PTPN14: variants seen among roughly 807,000 people sequenced by gnomAD.
The protein encoded by PTPN14 is protein tyrosine phosphatase non-receptor type 14, also known as tyrosine-protein phosphatase non-receptor type 14.
PTPN14 carries 53 observed loss-of-function variants against 126.8 expected under a neutral mutation model. The observed-to-expected ratio is 0.42, with a 90% CI of 0.34 to 0.53. PTPN14 has a LOEUF of 0.53. Among genes scored for constraint, PTPN14 ranks in the 20% least tolerant of loss-of-function variants. PTPN14 has a pLI of 0.08. For missense variants in PTPN14, 1,257 were observed against 1,552.9 expected, an observed-to-expected ratio of 0.81 and a Z score of 3.20; for synonymous variants, 630 against 599.3, an observed-to-expected ratio of 1.05 and a Z score of -0.75.
chr1:214,368,069 A>G (rs942112969), intron 17 of PTPN14, among the ~76,000 whole-genome samples: 4 of 152,218 alleles, frequency 2.6e-5, no homozygotes, highest in African/African-American at 9.6e-5. Flanking sequence ...GAGGGTTTCA[A>G]TACTTCTTAG....
intron 1 of PTPN14, among the ~76,000 whole-genome samples, chr1:214,549,257 G>T (rs1340973190): frequency 6.6e-6 from 1 of 152,122 alleles, no homozygotes; most frequent in South Asian, 2.1e-4. Flanking sequence ...GGCAAACCAC[G>T]TACAGAATGC....
At chr1:214,524,665 G>A (rs940243515) in intron 1 of PTPN14, among the ~76,000 whole-genome samples, 14 of 152,128 alleles carry the variant, frequency 9.2e-5, no homozygotes, top group Admixed American at 3.3e-4. Flanking sequence ...AAAAAAAGGC[G>A]GGAGGGGGCG....
At chr1:214,441,045 C>T (rs1660027136) in intron 3 of PTPN14, among the ~76,000 whole-genome samples, 1 of 152,072 alleles carries the variant, frequency 6.6e-6, no homozygotes, top group Non-Finnish European at 1.5e-5. Flanking sequence ...TCTGATAAAG[C>T]CAGTGAAGAA....
intron 15 of PTPN14, among the ~76,000 whole-genome samples, chr1:214,373,100 G>C (rs1469519293): frequency 6.6e-6 from 1 of 152,124 alleles, no homozygotes; most frequent in Non-Finnish European, 1.5e-5. Flanking sequence ...TGCTGCTTAG[G>C]CGGGAGTACA....
At chr1:214,533,754 G>A (rs1190698177) in intron 1 of PTPN14, among the ~76,000 whole-genome samples, 2 of 151,212 alleles carry the variant, frequency 1.3e-5, no homozygotes, top group Non-Finnish European at 2.9e-5. Flanking sequence ...GGAGAATGGC[G>A]TGAACCCGGG....
chr1:214,391,913 C>A (rs1658762042), intron 10 of PTPN14, among the ~76,000 whole-genome samples: 1 of 152,056 alleles, frequency 6.6e-6, no homozygotes, highest in Non-Finnish European at 1.5e-5. Context: ...GTTATATATA[C>A]CGCCGCCTAA....
chr1:214,534,816 G>C lies in PTPN14; in HGVS notation c.-155+16367C>G, dbSNP rs190765067. ...CCATCCAGTTCCCTGTGACTTGCCT[G>C]GGAATCATGTGGGATGAGTGGAAGT... On this transcript the variant is annotated intron_variant, in intron 1 of 18. Coordinates refer to ENST00000366956, the MANE Select transcript of PTPN14 (RefSeq NM_005401.5). Among the ~76,000 whole-genome samples the C allele has an allele frequency of 2.6e-3, 398 of 152,226 alleles. 2 individuals carry two copies. Among genetic ancestry groups the C allele is most frequent in the African/African-American group, 9.0e-3 (373 of 41,546 alleles).
chr1:214,471,729 A>G (rs1660763394), intron 1 of PTPN14, among the ~76,000 whole-genome samples: 1 of 152,226 alleles, frequency 6.6e-6, no homozygotes. Context: ...GCATTCTCTT[A>G]GTCCAACCAC....
rs1221675747 is a variant in PTPN14, at chr1:214,451,918, C to T, written c.231G>A (p.Glu77=). 1.2e-6 allele frequency: 2 copies of T among 1,614,232 alleles called. No homozygotes were observed. The highest frequency in any genetic ancestry group is 1.7e-6 in the Non-Finnish European group (2 of 1,180,042). ...LSKSQQARWV[E]LEKPLKKHLD... is the part of the protein sequence containing the mutation. Reference sequence around the variant, plus strand: ...GATGTTTCTTCAGAGGTTTCTCCAGCTCCACCCATCGTGCTTGCTGGCTCT... The same window carrying T: ...GATGTTTCTTCAGAGGTTTCTCCAGTTCCACCCATCGTGCTTGCTGGCTCT... The change falls in exon 3 of 19, where the codon GAG becomes GAA. Residue 77 remains glutamate, a synonymous_variant. Transcript: ENST00000366956.
intron 1 of PTPN14, among the ~76,000 whole-genome samples, chr1:214,546,427 T>C (rs1283003606): frequency 6.6e-6 from 1 of 152,196 alleles, no homozygotes; most frequent in Non-Finnish European, 1.5e-5. Flanking sequence ...AGTACACATT[T>C]CATACGAAAA....
chr1:214,358,323 G>C (rs1657875183), intron 18 of PTPN14, among the ~76,000 whole-genome samples: 1 of 152,198 alleles, frequency 6.6e-6, no homozygotes, highest in South Asian at 2.1e-4. Flanking sequence ...CTGGAGTACA[G>C]TGGCACAGTC....
Position 214,451,909 on chromosome 1 carries a change from T to A in PTPN14, c.240A>T (p.Lys80Asn), listed in dbSNP as rs1660279960. The A allele has an allele frequency of 1.2e-6, 2 of 1,613,306 alleles. No homozygotes were observed. Among genetic ancestry groups the A allele is most frequent in the Non-Finnish European group, 1.7e-6 (2 of 1,179,896 alleles). Residue 80 changes from lysine to asparagine, a missense_variant, in exon 3 of 19, where the codon AAA (lysine) becomes AAT (asparagine). Around this residue, in one of 3 missense-constraint regions of PTPN14, gnomAD observed 1,021 missense variants for 1,183.3 expected, o/e 0.86. Transcript: ENST00000366956. ...SQQARWVELE[K>N]PLKKHLDKFA... ...ATTTGTCCAGATGTTTCTTCAGAGG[T>A]TTCTCCAGCTCCACCCATCGTGCTT...
At chr1:214,396,059 T>G (rs1367195100) in intron 8 of PTPN14, among the ~76,000 whole-genome samples, 1 of 152,122 alleles carries the variant, frequency 6.6e-6, no homozygotes, top group African/African-American at 2.4e-5. Flanking sequence ...GATTCTGCCT[T>G]CTTCGTTTCT....
In PTPN14 at chr1:214,364,772, T is replaced by A. The variant is rs1463136076; in HGVS notation, c.3272-97A>T. On this transcript the variant is annotated intron_variant, in intron 17 of 18. Transcript: ENST00000366956. The surrounding 1 kb of genome is among the most constrained non-coding windows in gnomAD (Gnocchi z 4.1). The stretch of plus-strand genomic sequence containing the variant: ...CGGAAGAGAACTGATGGTGAGTGTG[T>A]GTGTGTGTGTGTGTGTGTGTGTGTG... 4.0e-4 allele frequency: 214 copies of A among 531,194 alleles called. No homozygotes were observed. Among genetic ancestry groups the A allele is most frequent in the African/African-American group, 3.9e-3 (169 of 43,532 alleles). 32.9% of individuals were successfully genotyped at this position (531,194 alleles called of 1,614,324 possible).
At chr1:214,524,709 T>G (rs185221067) in intron 1 of PTPN14, among the ~76,000 whole-genome samples, 37 of 152,166 alleles carry the variant, frequency 2.4e-4, no homozygotes, top group Admixed American at 9.8e-4. Flanking sequence ...ATAGGATCAA[T>G]GGAAAGACAA....
chr1:214,470,244 A>T (rs576045620), intron 1 of PTPN14, among the ~76,000 whole-genome samples: 1 of 152,122 alleles, frequency 6.6e-6, no homozygotes, highest in South Asian at 2.1e-4. Flanking sequence ...AGCTATAATC[A>T]TGCCACTGCA....
intron 1 of PTPN14, among the ~76,000 whole-genome samples, chr1:214,466,532 G>A (rs1660643288): frequency 6.6e-6 from 1 of 152,096 alleles, no homozygotes; most frequent in African/African-American, 2.4e-5. Context: ...GACAACACAA[G>A]AATAAAATAA....
rs1658039247 is a variant in PTPN14, at chr1:214,364,765, G to A, written c.3272-90C>T. The A allele has an allele frequency of 3.4e-6, 4 of 1,176,352 alleles. No individual in the cohort carries two copies. The highest frequency in any genetic ancestry group is 1.4e-5 in the South Asian group (1 of 70,314). The allele number at this position is 1,176,352 out of a possible 1,614,324, so 72.9% of individuals were successfully genotyped here. A position where few individuals can be genotyped will look rare whatever the true frequency, so the allele number is the denominator to read the frequency against. ...GGGGGAGCGGAAGAGAACTGATGGT[G>A]AGTGTGTGTGTGTGTGTGTGTGTGT... On this transcript the variant is annotated intron_variant, in intron 17 of 18. Coordinates refer to ENST00000366956, the MANE Select transcript of PTPN14 (RefSeq NM_005401.5). This position sits in a 1 kb window ranked among gnomAD's most constrained non-coding sequence, Gnocchi z 4.1.
chr1:214,395,651 T>C (rs1658861795), intron 8 of PTPN14, among the ~76,000 whole-genome samples: 1 of 147,322 alleles, frequency 6.8e-6, no homozygotes. Flanking sequence ...TCCTTCCCTG[T>C]CTTCATGGAG....
Sources: allele counts gnomAD v4.1 joint callset (sites outside exome capture counted in the v4.1 genomes callset), GRCh38; gene constraint gnomAD v4.1.1; regional missense constraint gnomAD v4.1.1; non-coding constraint Gnocchi (gnomAD v3.1); transcripts MANE v1.5; gene names NCBI Gene and HGNC (gene_info 2026-07-23, HGNC 2026-07-21).